NTN4: variants seen among roughly 807,000 people sequenced by gnomAD.
NTN4 encodes the protein netrin 4.
In NTN4, 32 loss-of-function variants were observed where a neutral mutation model predicts 73.6. That is an observed-to-expected ratio of 0.44 (90% CI 0.33 to 0.58). The LOEUF (loss-of-function observed/expected upper bound fraction) is 0.58. Ranked by LOEUF, NTN4 falls within the 20% of genes least tolerant of loss-of-function variation. The pLI, the probability that NTN4 is intolerant of heterozygous loss-of-function variation, is 0.04. For synonymous variants in NTN4, 258 were observed against 287.5 expected, an observed-to-expected ratio of 0.90 and a Z score of 1.04; for missense variants, 654 against 798.3, an observed-to-expected ratio of 0.82 and a Z score of 2.18.
At chr12:95,707,625 A>C (rs1167944570) in intron 5 of NTN4, among the ~76,000 whole-genome samples, 1 of 152,072 alleles carries the variant, frequency 6.6e-6, no homozygotes, top group East Asian at 1.9e-4. Flanking sequence ...TATTTCACTT[A>C]TTAGTTATAT....
chr12:95,675,890 C>T (rs1270471889), intron 7 of NTN4, among the ~76,000 whole-genome samples: 1 of 152,036 alleles, frequency 6.6e-6, no homozygotes, highest in African/African-American at 2.4e-5. Flanking sequence ...AAACAATAAA[C>T]CAACCACGTA....
chr12:95,726,981 A>AAT (rs2078699930), intron 3 of NTN4, among the ~76,000 whole-genome samples: 1 of 134,572 alleles, frequency 7.4e-6, no homozygotes, highest in Non-Finnish European at 1.7e-5. Context: ...AAAAAAAAAA[A>AAT]TTTTTTTGGG....
chr12:95,719,700 C>T lies in NTN4; in HGVS notation c.865-6362G>A, dbSNP rs148958869. Among the ~76,000 whole-genome samples, 331 of 152,180 alleles carry T rather than the reference C, an allele frequency of 2.2e-3. 1 individual carries two copies. The highest frequency in any genetic ancestry group is 3.8e-3 in the African/African-American group (156 of 41,530). ...TGATAAAAACATGTTTTTTCATTAA[C>T]GAATAAAATATGCCCTTTCCCATTA... On this transcript the variant is annotated intron_variant, in intron 3 of 9. Transcript: ENST00000343702.
At chr12:95,745,398 A>G (rs986920764) in intron 2 of NTN4, among the ~76,000 whole-genome samples, 6 of 151,948 alleles carry the variant, frequency 3.9e-5, no homozygotes, top group African/African-American at 1.5e-4. Context: ...CTACGTATTA[A>G]ACGTCACTAA....
chr12:95,668,975 T>C (rs2078204858), intron 8 of NTN4, among the ~76,000 whole-genome samples: 1 of 152,130 alleles, frequency 6.6e-6, no homozygotes, highest in Non-Finnish European at 1.5e-5. Context: ...AATACAAAAA[T>C]TAGCCGGGCA....
chr12:95,691,324 AT>A (rs35235092), intron 5 of NTN4, among the ~76,000 whole-genome samples: 98,640 of 152,080 alleles, frequency 0.65, 32,271 homozygotes, highest in Admixed American at 0.69. Context: ...CCAAGAACTT[AT>A]TTTTTCACAA....
At chr12:95,707,348 T>G (rs2078528451) in intron 5 of NTN4, among the ~76,000 whole-genome samples, 1 of 152,196 alleles carries the variant, frequency 6.6e-6, no homozygotes, top group South Asian at 2.1e-4. Context: ...GGCACCTTCC[T>G]GTCTTAAGAC....
At chr12:95,764,116 G>A (rs187826373) in intron 2 of NTN4, among the ~76,000 whole-genome samples, 94 of 152,292 alleles carry the variant, frequency 6.2e-4, no homozygotes, top group African/African-American at 2.1e-3. Context: ...GATACTGACA[G>A]GCAGACTAGC....
chr12:95,663,443 ATACTT>A (rs748561300), intron 9 of NTN4: 7 of 152,262 alleles, frequency 4.6e-5, no homozygotes, highest in East Asian at 3.8e-4. Context: ...AGAAGATACA[ATACTT>A]TAGTGCTAGT....
At chr12:95,718,477 T>C (rs1188637500) in intron 3 of NTN4, among the ~76,000 whole-genome samples, 1 of 152,214 alleles carries the variant, frequency 6.6e-6, no homozygotes, top group Non-Finnish European at 1.5e-5. Context: ...TTTAGGTTCC[T>C]TCTAGTCTTA....
intron 5 of NTN4, among the ~76,000 whole-genome samples, chr12:95,696,469 C>T (rs1055792659): frequency 3.3e-5 from 5 of 152,116 alleles, no homozygotes; most frequent in Admixed American, 2.0e-4. Context: ...ACCTCACTGC[C>T]GTCACTATAG....
At chr12:95,708,857 C>A (rs2078541286) in intron 5 of NTN4, among the ~76,000 whole-genome samples, 1 of 152,134 alleles carries the variant, frequency 6.6e-6, no homozygotes, top group Admixed American at 6.5e-5. Context: ...GCTTCAATAG[C>A]TGGCATAACA....
intron 5 of NTN4, among the ~76,000 whole-genome samples, chr12:95,695,983 C>T (rs2078438757): frequency 2.1e-5 from 3 of 145,146 alleles, no homozygotes; most frequent in South Asian, 4.6e-4. Context: ...CTTTCCTTTC[C>T]TTCCCCTTCC....
intron 5 of NTN4, among the ~76,000 whole-genome samples, chr12:95,706,048 TTTCACAGACCTGG>T (rs1357606991): frequency 1.3e-5 from 2 of 152,262 alleles, no homozygotes; most frequent in Admixed American, 6.5e-5. Flanking sequence ...TGCTTATGTT[TTTCACAGACCTGG>T]TAGTTTGGGA....
intron 2 of NTN4, among the ~76,000 whole-genome samples, chr12:95,769,842 C>T (rs1414481321): frequency 6.6e-6 from 1 of 151,280 alleles, no homozygotes; most frequent in Non-Finnish European, 1.5e-5. Flanking sequence ...CTGCAACCTC[C>T]ATCTCCTGGG....
chr12:95,775,768 G>A (rs571066974), intron 2 of NTN4, among the ~76,000 whole-genome samples: 13 of 152,356 alleles, frequency 8.5e-5, no homozygotes, highest in South Asian at 2.1e-4. Context: ...GGGCATAGCC[G>A]AATAAAAGGC....
rs569664113 is a variant in NTN4 at position 95,779,873 on chromosome 12, A to G, written c.585+7066T>C. Among the ~76,000 whole-genome samples the G allele has an allele frequency of 3.7e-3, 557 of 152,370 alleles. 5 individuals are homozygous for G. The highest frequency in any genetic ancestry group is 9.9e-3 in the Admixed American group (151 of 15,308). ...AGTCAGTCCTAAGCCAAAAGAACAAAGCTGGAGGCATCACGCTACCTGACT... is the reference window on the plus strand; with the variant it reads ...AGTCAGTCCTAAGCCAAAAGAACAAGGCTGGAGGCATCACGCTACCTGACT... On this transcript the variant is annotated intron_variant, in intron 2 of 9. Transcript: ENST00000343702.
rs138953479 is a variant in NTN4, at chr12:95,710,573, C to T, written c.1048G>A (p.Ala350Thr). 460 of 1,614,054 alleles carry T rather than the reference C, an allele frequency of 2.8e-4. 1 individual carries two copies. The highest frequency in any genetic ancestry group is 3.7e-4 in the Non-Finnish European group (436 of 1,180,028). ...ACACCACCACTACGATTCCCTGATG[C>T]CTCCCACACATTAACGTCGAAGTGA... ...TCHFDVNVWE[A>T]SGNRSGGVCD... Residue 350 changes from alanine to threonine, a missense_variant, in exon 5 of 10, where the codon GCA (alanine) becomes ACA (threonine). Physicochemically the swap from Ala to Thr is moderately conservative, Grantham distance 58 (BLOSUM62 0). Coordinates refer to ENST00000343702, the MANE Select transcript of NTN4 (RefSeq NM_021229.4).
chr12:95,773,578 G>A (rs553064919), intron 2 of NTN4, among the ~76,000 whole-genome samples: 5 of 152,058 alleles, frequency 3.3e-5, no homozygotes, highest in East Asian at 1.9e-4. Context: ...GGTGCCAGGC[G>A]GACTTCCTCA....
Sources: gnomAD v4.1 joint callset for allele counts (sites outside exome capture counted in the v4.1 genomes callset) on GRCh38, gnomAD v4.1.1 for gene constraint, MANE v1.5 for transcripts, NCBI Gene and HGNC (gene_info 2026-07-23, HGNC 2026-07-21) for gene names.